CA10: variants seen among roughly 807,000 people sequenced by gnomAD.
The protein encoded by CA10 is carbonic anhydrase-related protein 10.
A neutral mutation model predicts 44.2 loss-of-function variants in CA10; 14 were observed. That is an observed-to-expected ratio of 0.32 (90% CI 0.21 to 0.50). The LOEUF is 0.50. CA10 is among the 20% of genes least tolerant of loss of function. The pLI is 0.99. For missense variants in CA10, 350 were observed against 409.7 expected, an observed-to-expected ratio of 0.85 and a Z score of 1.26; for synonymous variants, 159 against 141.6, an observed-to-expected ratio of 1.12 and a Z score of -0.87.
At chr17:51,945,925 G>T (rs370696113) in intron 2 of CA10, among the ~76,000 whole-genome samples, 1 of 152,248 alleles carries the variant, frequency 6.6e-6, no homozygotes, top group East Asian at 1.9e-4. Flanking sequence ...ATAGAAATTT[G>T]TGCTAGCTAA....
chr17:51,900,934 C>T (rs1257017477), intron 3 of CA10, among the ~76,000 whole-genome samples: 1 of 152,026 alleles, frequency 6.6e-6, no homozygotes, highest in African/African-American at 2.4e-5. Context: ...TCCTTAGATT[C>T]CTTGGATTGG....
intron 4 of CA10, among the ~76,000 whole-genome samples, chr17:51,709,584 G>C (rs994911078): frequency 6.6e-6 from 1 of 152,346 alleles, no homozygotes; most frequent in East Asian, 1.9e-4. Flanking sequence ...TCAAGGTAAG[G>C]CTTAAAATTA....
chr17:51,795,818 T>C (rs1906683546), intron 3 of CA10, among the ~76,000 whole-genome samples: 1 of 152,218 alleles, frequency 6.6e-6, no homozygotes, highest in African/African-American at 2.4e-5. Flanking sequence ...TCCTGGGCAG[T>C]TGTAGGAAGG....
intron 3 of CA10, among the ~76,000 whole-genome samples, chr17:51,850,481 A>G (rs961944371): frequency 4.6e-5 from 7 of 152,164 alleles, no homozygotes; most frequent in Non-Finnish European, 1.0e-4. Context: ...AGATTTCTTG[A>G]CCACTTGCAA....
At chr17:51,903,340 C>T (rs1598109266) in intron 3 of CA10, among the ~76,000 whole-genome samples, 1 of 152,090 alleles carries the variant, frequency 6.6e-6, no homozygotes, top group South Asian at 2.1e-4. Context: ...TTGCTTATAT[C>T]CTTTATTGTA....
chr17:51,811,869 A>G (rs112317126), intron 3 of CA10, among the ~76,000 whole-genome samples: 1 of 152,000 alleles, frequency 6.6e-6, no homozygotes, highest in African/African-American at 2.4e-5. Flanking sequence ...AGGATATGCA[A>G]TCTTAGAACT....
At chr17:52,114,181 C>T (rs1055942769) in intron 1 of CA10, among the ~76,000 whole-genome samples, 1 of 152,180 alleles carries the variant, frequency 6.6e-6, no homozygotes, top group Non-Finnish European at 1.5e-5. Flanking sequence ...CTGCATCCAC[C>T]CTTATTTCCT....
At chr17:51,996,908 C>G (rs1248944643) in intron 2 of CA10, among the ~76,000 whole-genome samples, 2 of 152,066 alleles carry the variant, frequency 1.3e-5, no homozygotes, top group Non-Finnish European at 2.9e-5. Flanking sequence ...AAGAGAACTT[C>G]TGTAATATGC....
chr17:52,093,496 T>G (rs1404342195), intron 1 of CA10, among the ~76,000 whole-genome samples: 1 of 152,176 alleles, frequency 6.6e-6, no homozygotes, highest in Non-Finnish European at 1.5e-5. Context: ...CTCTAAATGT[T>G]TATGACAATG....
At chr17:51,671,861 A>G (rs1487854876) in intron 4 of CA10, among the ~76,000 whole-genome samples, 1 of 152,164 alleles carries the variant, frequency 6.6e-6, no homozygotes, top group Non-Finnish European at 1.5e-5. Context: ...TCCTTTTGAA[A>G]TCTTGTAACA....
chr17:51,978,556 A>G (rs2144082757), intron 2 of CA10, among the ~76,000 whole-genome samples: 1 of 152,270 alleles, frequency 6.6e-6, no homozygotes, highest in East Asian at 1.9e-4. Context: ...TTTTCAATGA[A>G]CCAGGATAAC....
At chr17:52,029,068 C>G (rs1986385734) in intron 2 of CA10, among the ~76,000 whole-genome samples, 1 of 152,086 alleles carries the variant, frequency 6.6e-6, no homozygotes, top group Non-Finnish European at 1.5e-5. Flanking sequence ...CCAAATATGT[C>G]AAGGTCTGTT....
At chr17:51,799,638 G>T (rs529474998) in intron 3 of CA10, among the ~76,000 whole-genome samples, 3 of 152,258 alleles carry the variant, frequency 2.0e-5, no homozygotes, top group South Asian at 2.1e-4. Context: ...AATAATTAGG[G>T]CCTTTGATGA....
At chr17:51,664,946 C>T (rs1914154828) in intron 4 of CA10, among the ~76,000 whole-genome samples, 1 of 152,166 alleles carries the variant, frequency 6.6e-6, no homozygotes, top group African/African-American at 2.4e-5. Flanking sequence ...TTTTCTAGCT[C>T]ACTTCACAGT....
intron 1 of CA10, among the ~76,000 whole-genome samples, chr17:52,097,941 C>G (rs1011817928): frequency 6.6e-6 from 1 of 152,116 alleles, no homozygotes; most frequent in African/African-American, 2.4e-5. Flanking sequence ...TGTCATAGTC[C>G]TCTTGTGTAT....
chr17:52,130,303 G>A (rs1989206189), intron 1 of CA10, among the ~76,000 whole-genome samples: 2 of 152,142 alleles, frequency 1.3e-5, no homozygotes, highest in Non-Finnish European at 2.9e-5. Flanking sequence ...CCACTTCTAG[G>A]TGTATATCCA....
chr17:52,149,114 A>G (rs967991744), intron 1 of CA10, among the ~76,000 whole-genome samples: 7 of 152,214 alleles, frequency 4.6e-5, no homozygotes, highest in African/African-American at 7.2e-5. Context: ...GAAAGAGAAT[A>G]TGTTGACTCA....
intron 4 of CA10, among the ~76,000 whole-genome samples, chr17:51,696,795 T>C (rs1915418119): frequency 6.6e-6 from 1 of 152,212 alleles, no homozygotes; most frequent in Admixed American, 6.5e-5. Flanking sequence ...TCTGTGTTTA[T>C]TTATTTCAAT....
rs575290024 is a variant in CA10, at chr17:51,991,584, C to A, written c.137-60452G>T. Among the ~76,000 whole-genome samples, 28 of 152,116 alleles carry A rather than the reference C, an allele frequency of 1.8e-4. No individual in the cohort carries two copies. In the South Asian group the frequency reaches 5.8e-3, roughly 32 times the overall value. ...CAGCACTTTGGGAGGCAGAGGTGGG[C>A]GGATCACCAGAGGTCGGGAGTTTGA... On this transcript the variant is annotated intron_variant, in intron 2 of 8. Coordinates refer to ENST00000451037, the MANE Select transcript of CA10 (RefSeq NM_020178.5).
Sources: gnomAD v4.1 joint callset for allele counts (sites outside exome capture counted in the v4.1 genomes callset) on GRCh38, gnomAD v4.1.1 for gene constraint, MANE v1.5 for transcripts, NCBI Gene and HGNC (gene_info 2026-07-23, HGNC 2026-07-21) for gene names.